Variants in SFMBT1 observed in about 807,000 individuals in gnomAD.
SFMBT1 encodes the protein scm-like with four MBT domains protein 1.
A neutral mutation model predicts 108.7 loss-of-function variants in SFMBT1; 32 were observed. That is an observed-to-expected ratio of 0.29 (90% CI 0.22 to 0.40). The LOEUF (loss-of-function observed/expected upper bound fraction) is 0.40, where lower values mean the gene tolerates loss of function less well. Among genes scored for constraint, SFMBT1 ranks in the 10% least tolerant of loss-of-function variants. SFMBT1 has a pLI of 1.00. For synonymous variants in SFMBT1, 348 were observed against 369.5 expected (o/e 0.94, Z 0.67); for missense variants, 816 against 1,059.6 (o/e 0.77, Z 3.19).
At chr3:53,032,363 C>T (rs914457965) in intron 1 of SFMBT1, among the ~76,000 whole-genome samples, 2 of 152,136 alleles carry the variant, frequency 1.3e-5, no homozygotes, top group African/African-American at 4.8e-5. Flanking sequence ...GAGCGAGACC[C>T]TGTCTCAGAA....
rs139745976 is a variant in SFMBT1 at position 52,949,819 on chromosome 3, T to C, written c.123+4498A>G. On this transcript the variant is annotated intron_variant, in intron 3 of 20. Transcript: ENST00000394752. ...GTCTTGAACTCCCGACCTCAAATGA[T>C]GCACTCATCTCGGCCTCCCAAAGTG... 8.9e-4 allele frequency among the ~76,000 whole-genome samples: 135 copies of C among 152,262 alleles called. 1 individual carries two copies. The East Asian group carries it at 0.011, about 13-fold the overall frequency.
intron 17 of SFMBT1, among the ~76,000 whole-genome samples, chr3:52,909,557 C>T (rs1388073507): frequency 6.6e-6 from 1 of 152,190 alleles, no homozygotes; most frequent in Admixed American, 6.5e-5. Context: ...GATAGATACT[C>T]AGGACCCAGA....
Position 52,928,180 on chromosome 3 carries a change from C to A in SFMBT1, c.1048+11G>T. ...TCTCAAGTGACAATTCAGAAGACAG[C>A]GAATGTGCACCTGGAGGGGGGCTGA... On this transcript the variant is annotated intron_variant, in intron 9 of 20. Transcript: ENST00000394752. 5 of 1,605,582 alleles carry A rather than the reference C, an allele frequency of 3.1e-6. No homozygotes were observed. The highest frequency in any genetic ancestry group is 1.1e-5 in the South Asian group (1 of 89,810).
At chr3:52,979,295 T>C (rs1704624673) in intron 1 of SFMBT1, among the ~76,000 whole-genome samples, 1 of 152,242 alleles carries the variant, frequency 6.6e-6, no homozygotes. Flanking sequence ...AAGGTAATGT[T>C]ATGCTTTAAC....
intron 1 of SFMBT1, among the ~76,000 whole-genome samples, chr3:53,042,198 G>T (rs1700080275): frequency 6.6e-6 from 1 of 152,158 alleles, no homozygotes; most frequent in Non-Finnish European, 1.5e-5. Flanking sequence ...AGTTTGTATA[G>T]TTCATCTTTT....
chr3:52,910,971 T>C (rs199685206), intron 17 of SFMBT1, 32 bp downstream of exon 17: 14 of 1,609,284 alleles, frequency 8.7e-6, no homozygotes, highest in South Asian at 1.1e-5. Context: ...GGTCAGCTGC[T>C]ATGGTTAACA....
chr3:53,022,134 G>A (rs1466816080), intron 1 of SFMBT1, among the ~76,000 whole-genome samples: 5 of 152,180 alleles, frequency 3.3e-5, no homozygotes, highest in African/African-American at 4.8e-5. Flanking sequence ...ACTCTAGCAG[G>A]TGTTTGTTTT....
chr3:53,002,401 TA>T lies in SFMBT1; in HGVS notation c.-130-33144del, dbSNP rs36044342. On this transcript the variant is annotated intron_variant, in intron 1 of 20. Coordinates refer to ENST00000394752, the MANE Select transcript of SFMBT1 (RefSeq NM_016329.4). ...GTGACAGAGCGAGACTCCGTCTCAA[TA>T]AAAAAAAAAAAAAAAAAAGAAATCA... Among the ~76,000 whole-genome samples, 323 of 106,934 alleles carry T rather than the reference TA, an allele frequency of 3.0e-3. 4 individuals are homozygous for T. Among genetic ancestry groups the T allele is most frequent in the African/African-American group, 9.4e-3 (269 of 28,472 alleles). 70.2% of individuals were successfully genotyped at this position (106,934 alleles called of 152,430 possible). A position where few individuals can be genotyped will look rare whatever the true frequency, so the allele number is the denominator to read the frequency against.
At chr3:52,972,273 G>A (rs976785098) in intron 1 of SFMBT1, among the ~76,000 whole-genome samples, 2 of 152,198 alleles carry the variant, frequency 1.3e-5, no homozygotes, top group East Asian at 1.9e-4. Context: ...CAAGTCTTAC[G>A]TAGCAGAAAG....
At chr3:53,045,161 G>C (rs752571741) in intron 1 of SFMBT1, 1 of 151,190 alleles carries the variant, frequency 6.6e-6, no homozygotes, top group Non-Finnish European at 1.5e-5. Flanking sequence ...GGTGCCCGGC[G>C]GGCCGCGGCG....
intron 1 of SFMBT1, among the ~76,000 whole-genome samples, chr3:53,012,638 A>G (rs188350791): frequency 9.3e-5 from 14 of 151,102 alleles, no homozygotes; most frequent in Admixed American, 3.3e-4. Flanking sequence ...TCCTGACCTC[A>G]TGATCCGCCC....
chr3:53,028,504 G>A (rs1022146880), intron 1 of SFMBT1, among the ~76,000 whole-genome samples: 7 of 152,104 alleles, frequency 4.6e-5, no homozygotes, highest in African/African-American at 1.4e-4. Flanking sequence ...GCCTTCATGG[G>A]TCAAAACTAC....
At chr3:52,959,411 C>G (rs1703888546) in intron 2 of SFMBT1, among the ~76,000 whole-genome samples, 1 of 152,182 alleles carries the variant, frequency 6.6e-6, no homozygotes, top group African/African-American at 2.4e-5. Context: ...TGGGACACTA[C>G]AAAGGCCGTA....
intron 1 of SFMBT1, among the ~76,000 whole-genome samples, chr3:53,008,285 G>A (rs749750751): frequency 1.1e-4 from 16 of 152,162 alleles, no homozygotes; most frequent in Non-Finnish European, 2.1e-4. Flanking sequence ...CAGAGTGATG[G>A]AGCATCAGGC....
rs149111018 is a variant in SFMBT1, at chr3:53,029,439, C to T, written c.-131+16377G>A. On this transcript the variant is annotated intron_variant, in intron 1 of 20. Transcript: ENST00000394752. The stretch of plus-strand genomic sequence containing the variant: ...CTACAGAATGCTTCAAGATTCCAAA[C>T]TCAGTTTCTTTAGAAATTCTGCGCC... 8.4e-4 allele frequency among the ~76,000 whole-genome samples: 128 copies of T among 152,266 alleles called. 1 individual carries two copies. The highest frequency in any genetic ancestry group is 3.0e-3 in the African/African-American group (124 of 41,538).
intron 2 of SFMBT1, among the ~76,000 whole-genome samples, chr3:52,961,424 G>A (rs1261476128): frequency 1.3e-5 from 2 of 151,866 alleles, no homozygotes; most frequent in African/African-American, 4.8e-5. Context: ...TTGTTAAAAC[G>A]GCCTGTAATC....
chr3:52,916,412 G>A (rs1448539719), intron 13 of SFMBT1, among the ~76,000 whole-genome samples, 198 bp from the exon 14 acceptor site: 1 of 140,704 alleles, frequency 7.1e-6, no homozygotes, highest in African/African-American at 2.7e-5. Flanking sequence ...TGGCTCACGC[G>A]TAATCCCAGC....
At chr3:53,014,611 T>C (rs1029695829) in intron 1 of SFMBT1, among the ~76,000 whole-genome samples, 1 of 152,240 alleles carries the variant, frequency 6.6e-6, no homozygotes, top group Non-Finnish European at 1.5e-5. Flanking sequence ...TAAAAAGCTC[T>C]GGAGACCAAC....
Position 52,907,223 on chromosome 3 carries a change from T to C in SFMBT1, c.2177A>G (p.Gln726Arg), listed in dbSNP as rs1478699637. 9.3e-6 allele frequency: 15 copies of C among 1,614,010 alleles called. No homozygotes were observed. Among genetic ancestry groups the C allele is most frequent in the Admixed American group, 3.3e-5 (2 of 59,996 alleles). The stretch of plus-strand genomic sequence containing the variant: ...TTTTTCTGACATTTCTGATTCTTCC[T>C]GTAGCTCATCCTGCTGCTCGGATGT... ...GSTSEQQDEL[Q>R]EESEMSEKKS... Residue 726 changes from glutamine (Q) to arginine (R), a missense_variant, in exon 19 of 21, where the codon CAG (glutamine) becomes CGG (arginine). By Grantham distance (43) the Gln-to-Arg change is conservative. Transcript: ENST00000394752.
Sources: gnomAD v4.1 joint callset for allele counts (sites outside exome capture counted in the v4.1 genomes callset) on GRCh38, gnomAD v4.1.1 for gene constraint, MANE v1.5 for transcripts, NCBI Gene and HGNC (gene_info 2026-07-23, HGNC 2026-07-21) for gene names.